Variants in CREB3L4 observed in about 807,000 individuals in gnomAD.
CREB3L4 encodes cAMP responsive element binding protein 3 like 4.
A neutral mutation model predicts 37.0 loss-of-function variants in CREB3L4; 28 were observed. The ratio of observed to expected loss-of-function variants is 0.76; its 90% CI spans 0.56 to 1.04. CREB3L4 has a LOEUF of 1.04. Among genes scored for constraint, CREB3L4 ranks in the 50% least tolerant of loss-of-function variants. The probability of loss-of-function intolerance (pLI) is 0.00; values close to 1 mark genes in which losing one functional copy is unlikely to be tolerated. For synonymous variants in CREB3L4, 175 were observed against 192.2 expected (o/e 0.91, Z 0.74); for missense variants, 462 against 486.0 (o/e 0.95, Z 0.46).
chr1:153,970,137 C>T (rs2102164116), intron 4 of CREB3L4, among the ~76,000 whole-genome samples: 1 of 152,030 alleles, frequency 6.6e-6, no homozygotes, highest in Non-Finnish European at 1.5e-5. Context: ...CCATATTGGC[C>T]AGGCTGGTCT....
intron 4 of CREB3L4, among the ~76,000 whole-genome samples, chr1:153,971,363 G>A (rs759816241): frequency 1.1e-4 from 16 of 150,786 alleles, no homozygotes; most frequent in Non-Finnish European, 2.1e-4. Context: ...GCAAGACTCC[G>A]TCTCAAAAAA....
rs777538437 is a variant in CREB3L4 at position 153,969,467 on chromosome 1, T to C, written c.543+12T>C. ...CCTGTACAACCCTGGTGAGTCTTGG[T>C]GTCAGCCAGAACCACTACTCCTTGA... On this transcript the variant is annotated intron_variant, in intron 4 of 9. Transcript: ENST00000368607. The C allele has an allele frequency of 3.7e-6, 6 of 1,613,698 alleles. No individual in the cohort carries two copies. The African/African-American group carries it at 6.7e-5, about 18-fold the overall frequency.
At chr1:153,971,802 G>A (rs1188222130) in intron 4 of CREB3L4, among the ~76,000 whole-genome samples, 1 of 151,890 alleles carries the variant, frequency 6.6e-6, no homozygotes, top group African/African-American at 2.4e-5. Context: ...TAAATTCTCT[G>A]TAAGTCACAA....
chr1:153,967,698 T>A (rs1397181153), upstream of CREB3L4: 1 of 152,170 alleles, frequency 6.6e-6, no homozygotes, highest in Non-Finnish European at 1.5e-5. Context: ...GCGGCCCCAT[T>A]GGCCTGACTC....
At chr1:153,969,254 C>T (rs754655658) in intron 3 of CREB3L4, 78 bp downstream of exon 3, 8 of 1,613,712 alleles carry the variant, frequency 5.0e-6, no homozygotes, top group Non-Finnish European at 6.8e-6. Flanking sequence ...GTTTACCCAA[C>T]CTGTGCCACT....
At chr1:153,973,551 A>C in intron 8 of CREB3L4, 69 bp from the exon 9 acceptor site, 1 of 1,566,514 alleles carries the variant, frequency 6.4e-7, no homozygotes, top group South Asian at 1.1e-5. Flanking sequence ...CCCACATCCG[A>C]TAACCCCAGC....
At position 153,969,384 on chromosome 1, in the gene CREB3L4, C is replaced by G. The variant is rs2102160428; in HGVS notation, c.472C>G (p.Leu158Val). Residue 158 changes from leucine to valine, a missense_variant, in exon 4 of 10, where the codon CTG (leucine) becomes GTG (valine). Leu to Val is a conservative substitution (Grantham distance 32, BLOSUM62 1). Coordinates refer to ENST00000368607, the MANE Select transcript of CREB3L4 (RefSeq NM_001255978.2). ...GCCTGATTCCTGCATGGTCAGTGAG[C>G]TGCCCTTTGATGCTCATGCCCACAT... ...MVPDSCMVSE[L>V]PFDAHAHILP... 6.2e-7 allele frequency: 1 copy of G among 1,614,176 alleles called. No individual in the cohort carries two copies. The highest frequency in any genetic ancestry group is 1.7e-4 in the Middle Eastern group (1 of 6,060).
At chr1:153,970,847 C>T (rs1466385131) in intron 4 of CREB3L4, among the ~76,000 whole-genome samples, 2 of 145,048 alleles carry the variant, frequency 1.4e-5, no homozygotes, top group Non-Finnish European at 1.5e-5. Flanking sequence ...CAGGTTCAAG[C>T]GATTCTCCTT....
At chr1:153,967,740 A>T (rs1647897981), upstream of CREB3L4, 2 of 152,310 alleles carry the variant, frequency 1.3e-5, no homozygotes, top group African/African-American at 4.8e-5. Context: ...CCGACCAGTT[A>T]CGGAAGAGGC....
In CREB3L4 at chr1:153,972,796, A is replaced by G; in HGVS notation, c.596A>G (p.Gln199Arg). 6.2e-7 allele frequency: 1 copy of G among 1,613,948 alleles called. No homozygotes were observed. The highest frequency in any genetic ancestry group is 2.2e-5 in the East Asian group (1 of 44,860). The change falls in exon 5 of 10, where the codon CAG (glutamine) becomes CGG (arginine). Residue 199 changes from glutamine to arginine, a missense_variant. Transcript: ENST00000368607. ...GATGAGGAGAAGCGTCTGCTGGGGC[A>G]GGAAGGGGTTTCCCTGCCCTCTCAC... The part of the protein sequence containing the change: ...LTDEEKRLLG[Q>R]EGVSLPSHLP...
In CREB3L4 at chr1:153,973,045, G is replaced by A. The variant is rs1013579452; in HGVS notation, c.710G>A (p.Arg237Gln). 1.5e-5 allele frequency: 25 copies of A among 1,613,988 alleles called. No individual in the cohort carries two copies. The highest frequency in any genetic ancestry group is 1.4e-4 in the South Asian group (13 of 91,076). ...NKQSAQDSRR[R>Q]KKEYIDGLES... is the part of the protein sequence containing the mutation. ...CAGTCAGCTCAGGACAGTCGGCGGC[G>A]GAAGAAGGAGTACATTGATGGGCTG... The change falls in exon 6 of 10, where the codon CGG becomes CAG. Residue 237 changes from arginine (R) to glutamine (Q), a missense_variant. Coordinates refer to ENST00000368607, the MANE Select transcript of CREB3L4 (RefSeq NM_001255978.2).
chr1:153,971,329 T>C (rs947729938), intron 4 of CREB3L4, among the ~76,000 whole-genome samples: 3 of 151,652 alleles, frequency 2.0e-5, no homozygotes, highest in Non-Finnish European at 4.4e-5. Flanking sequence ...GATTGCGCCA[T>C]TGAACTCCAG....
At chr1:153,968,296 G>C in intron 1 of CREB3L4, 132 bp downstream of exon 1, 1 of 493,728 alleles carries the variant, frequency 2.0e-6, no homozygotes. Flanking sequence ...GACAGGGCTG[G>C]GCTCTTCAGA....
In CREB3L4 at chr1:153,973,055, G is replaced by C; in HGVS notation, c.720G>C (p.Glu240Asp). The stretch of plus-strand genomic sequence containing the variant: ...AGGACAGTCGGCGGCGGAAGAAGGA[G>C]TACATTGATGGGCTGGAGAGCAGGT... ...SAQDSRRRKK[E>D]YIDGLESRVA... The change falls in exon 6 of 10, where the codon GAG becomes GAC. Residue 240 changes from glutamate to aspartate, a missense_variant. By Grantham distance (45) the Glu-to-Asp change is conservative. Transcript: ENST00000368607. The C allele has an allele frequency of 6.2e-7, 1 of 1,614,174 alleles. No individual in the cohort carries two copies. Among genetic ancestry groups the C allele is most frequent in the Non-Finnish European group, 8.5e-7 (1 of 1,180,036 alleles).
chr1:153,971,583 TTTTC>T (rs1266040133), intron 4 of CREB3L4, among the ~76,000 whole-genome samples: 1 of 138,312 alleles, frequency 7.2e-6, no homozygotes, highest in Admixed American at 7.2e-5. Context: ...TTCTTTTTCT[TTTTC>T]TTTTTTTTTT....
chr1:153,973,529 C>A (rs1648611995), intron 8 of CREB3L4, 65 bp downstream of exon 8: 2 of 1,570,150 alleles, frequency 1.3e-6, no homozygotes, highest in Non-Finnish European at 8.8e-7. Flanking sequence ...GACTACCCGG[C>A]CAGATCTACT....
At chr1:153,971,346 C>T (rs535516126) in intron 4 of CREB3L4, among the ~76,000 whole-genome samples, 13 of 151,400 alleles carry the variant, frequency 8.6e-5, no homozygotes, top group Middle Eastern at 6.9e-3. Context: ...CCAGCCTGGG[C>T]GACAGGGCAA....
At chr1:153,973,751 A>G in intron 9 of CREB3L4, 35 bp downstream of exon 9, 4 of 1,565,190 alleles carry the variant, frequency 2.6e-6, no homozygotes, top group Non-Finnish European at 3.5e-6. Flanking sequence ...CCCCTGGCTG[A>G]GCAAGGGAGG....
At chr1:153,973,497 C>A (rs368450287) in intron 8 of CREB3L4, 33 bp downstream of exon 8, 22 of 1,596,116 alleles carry the variant, frequency 1.4e-5, no homozygotes, top group South Asian at 5.5e-5. Context: ...CATCTCCCCC[C>A]ACACTTCTAT....
Sources: allele counts gnomAD v4.1 joint callset (sites outside exome capture counted in the v4.1 genomes callset), GRCh38; gene constraint gnomAD v4.1.1; transcripts MANE v1.5; gene names NCBI Gene and HGNC (gene_info 2026-07-23, HGNC 2026-07-21).